Variants in CNTNAP3B observed in about 807,000 individuals in gnomAD.
CNTNAP3B encodes contactin associated protein family member 3B.
CNTNAP3B carries 25 observed loss-of-function variants against 108.9 expected under a neutral mutation model. That is an observed-to-expected ratio of 0.23 (90% CI 0.17 to 0.32). CNTNAP3B has a LOEUF of 0.32. Ranked by LOEUF, CNTNAP3B falls within the 10% of genes least tolerant of loss-of-function variation. CNTNAP3B has a pLI of 1.00. For missense variants in CNTNAP3B, 252 were observed against 1,210.4 expected, an observed-to-expected ratio of 0.21 and a Z score of 11.75; for synonymous variants, 103 against 473.4, an observed-to-expected ratio of 0.22 and a Z score of 10.16.
At chr9:41,959,339 T>C (rs1248604740) in intron 12 of CNTNAP3B, among the ~76,000 whole-genome samples, 1 of 152,244 alleles carries the variant, frequency 6.6e-6, no homozygotes, top group East Asian at 1.9e-4. Context: ...GAGAATTTAT[T>C]ACTGGCTATA....
intron 1 of CNTNAP3B, among the ~76,000 whole-genome samples, chr9:42,111,791 T>C (rs1178152677): frequency 3.6e-5 from 5 of 138,496 alleles, no homozygotes; most frequent in Non-Finnish European, 7.7e-5. Context: ...AGCTTTTCCA[T>C]TATCATGATC....
At chr9:41,948,303 G>T (rs1206018849) in intron 13 of CNTNAP3B, among the ~76,000 whole-genome samples, 5 of 151,938 alleles carry the variant, frequency 3.3e-5, no homozygotes, top group African/African-American at 9.7e-5. Flanking sequence ...TGTTGGCCAG[G>T]CAGGTCTCGA....
rs540766590 is a variant in CNTNAP3B, at chr9:42,115,985, G to A, written c.86-11246C>T. On this transcript the variant is annotated intron_variant, in intron 1 of 23. Coordinates refer to ENST00000377561, the MANE Select transcript of CNTNAP3B (RefSeq NM_001201380.3). The stretch of plus-strand genomic sequence containing the variant: ...TAAAAACCTTGAAAAAGGATTAGAC[G>A]AATGGCTAACTAGAATAAACAGCGT... 1.4e-3 allele frequency among the ~76,000 whole-genome samples: 192 copies of A among 137,556 alleles called. 35 individuals carry two copies. Among genetic ancestry groups the A allele is most frequent in the African/African-American group, 5.4e-3 (185 of 34,392 alleles). The allele number at this position is 137,556 out of a possible 152,430, so 90.2% of individuals were successfully genotyped here.
At position 42,119,618 on chromosome 9, in the gene CNTNAP3B, G is replaced by C; in HGVS notation, c.85+9392C>G. Among the ~76,000 whole-genome samples the C allele has an allele frequency of 1.5e-5, 2 of 135,352 alleles. 1 individual carries two copies. The highest frequency in any genetic ancestry group is 3.1e-5 in the Non-Finnish European group (2 of 63,812). 88.8% of individuals were successfully genotyped at this position (135,352 alleles called of 152,430 possible). On this transcript the variant is annotated intron_variant, in intron 1 of 23. Coordinates refer to ENST00000377561, the MANE Select transcript of CNTNAP3B (RefSeq NM_001201380.3). Reference sequence around the variant, plus strand: ...CAGTAACCAAAACAGCATGGCACTGGTACCAAAACAGAGATATAGAAAAAC... The same window carrying C: ...CAGTAACCAAAACAGCATGGCACTGCTACCAAAACAGAGATATAGAAAAAC...
intron 13 of CNTNAP3B, among the ~76,000 whole-genome samples, chr9:41,940,360 A>T (rs868044168): frequency 3.8e-4 from 58 of 152,362 alleles, no homozygotes; most frequent in African/African-American, 1.3e-3. Flanking sequence ...AGAATAACAC[A>T]TTACCTGCCT....
chr9:41,970,002 T>A, intron 10 of CNTNAP3B, 72 bp downstream of exon 10: 1 of 1,187,540 alleles, frequency 8.4e-7, no homozygotes, highest in Non-Finnish European at 1.1e-6. Context: ...GAATGCCTTT[T>A]TCCAGCTCTC....
chr9:42,042,180 A>G (rs1406356847), intron 3 of CNTNAP3B, among the ~76,000 whole-genome samples: 3 of 131,344 alleles, frequency 2.3e-5, no homozygotes, highest in Non-Finnish European at 4.9e-5. Flanking sequence ...ATGTATACAT[A>G]TGTAACAAAC....
intron 13 of CNTNAP3B, among the ~76,000 whole-genome samples, chr9:41,947,263 G>C (rs1390343292): frequency 1.9e-4 from 29 of 151,754 alleles, no homozygotes; most frequent in East Asian, 1.7e-3. Context: ...CATATCCCTG[G>C]GAGCCAAACA....
intron 15 of CNTNAP3B, among the ~76,000 whole-genome samples, chr9:41,926,254 A>G (rs1823816149): frequency 6.6e-6 from 1 of 152,096 alleles, no homozygotes; most frequent in Non-Finnish European, 1.5e-5. Context: ...CCCAGTGTGG[A>G]ACCTAGCTTC....
At chr9:42,055,734 C>T in intron 3 of CNTNAP3B, among the ~76,000 whole-genome samples, 1 of 93,894 alleles carries the variant, frequency 1.1e-5, no homozygotes, top group East Asian at 3.4e-4. Flanking sequence ...CATAAAAAGG[C>T]ACCAGTTCCT....
chr9:41,919,349 C>T (rs1473275605), intron 18 of CNTNAP3B, among the ~76,000 whole-genome samples: 9 of 152,070 alleles, frequency 5.9e-5, no homozygotes, highest in East Asian at 3.9e-4. Flanking sequence ...TTCCTGACCT[C>T]GTGATCCGCC....
Position 42,074,967 on chromosome 9 carries a change from G to A in CNTNAP3B, c.390+1902C>T, listed in dbSNP as rs571125499. Reference sequence around the variant, plus strand: ...GTAGCTAAAGTGATGGAGGCCATACGTCCAAGATCAAGGTGTCTGCCGGCC... The same window carrying A: ...GTAGCTAAAGTGATGGAGGCCATACATCCAAGATCAAGGTGTCTGCCGGCC... On this transcript the variant is annotated intron_variant, in intron 3 of 23. Coordinates refer to ENST00000377561, the MANE Select transcript of CNTNAP3B (RefSeq NM_001201380.3). Among the ~76,000 whole-genome samples, 10 of 146,426 alleles carry A rather than the reference G, an allele frequency of 6.8e-5. 1 individual carries two copies. The highest frequency in any genetic ancestry group is 2.1e-4 in the South Asian group (1 of 4,678).
chr9:41,924,411 G>A (rs1823751935), intron 15 of CNTNAP3B, among the ~76,000 whole-genome samples: 1 of 152,310 alleles, frequency 6.6e-6, no homozygotes, highest in Admixed American at 6.5e-5. Context: ...ACGACCAACA[G>A]AACTTACTGA....
chr9:41,960,073 C>G (rs1478461099), intron 12 of CNTNAP3B: 1 of 154,506 alleles, frequency 6.5e-6, no homozygotes, highest in African/African-American at 2.4e-5. Context: ...TCTTGGCTCA[C>G]TGCAACCTCT....
chr9:42,054,540 G>T (rs569045718), intron 3 of CNTNAP3B, among the ~76,000 whole-genome samples: 1 of 151,934 alleles, frequency 6.6e-6, no homozygotes, highest in East Asian at 1.9e-4. Flanking sequence ...CCAGGTGTTT[G>T]TTAGGGGCTA....
intron 3 of CNTNAP3B, among the ~76,000 whole-genome samples, chr9:42,071,920 G>T (rs1345509292): frequency 2.0e-5 from 3 of 151,182 alleles, no homozygotes; most frequent in Non-Finnish European, 4.4e-5. Flanking sequence ...AATAGGTTTG[G>T]TGATGGGAAG....
At chr9:42,079,665 G>A in intron 2 of CNTNAP3B, among the ~76,000 whole-genome samples, 1 of 136,350 alleles carries the variant, frequency 7.3e-6, no homozygotes, top group Non-Finnish European at 1.6e-5. Flanking sequence ...GGGATTACAG[G>A]TACATGCCAC....
At chr9:41,938,813 C>T (rs967071293) in intron 13 of CNTNAP3B, among the ~76,000 whole-genome samples, 325 of 152,324 alleles carry the variant, frequency 2.1e-3, no homozygotes, top group African/African-American at 7.6e-3. Context: ...TTATCTCATC[C>T]CATCTTTTTG....
chr9:42,123,548 A>C (rs1364755817), intron 1 of CNTNAP3B, among the ~76,000 whole-genome samples: 2 of 123,646 alleles, frequency 1.6e-5, no homozygotes, highest in Non-Finnish European at 3.4e-5. Context: ...TTGACTTTAC[A>C]TGAAAAGGAC....
Sources: allele counts gnomAD v4.1 joint callset (sites outside exome capture counted in the v4.1 genomes callset), GRCh38; gene constraint gnomAD v4.1.1; transcripts MANE v1.5; gene names NCBI Gene and HGNC (gene_info 2026-07-23, HGNC 2026-07-21).